The following MYRIP variants were observed in gnomAD, a reference collection of about 807,000 sequenced individuals.
The protein encoded by MYRIP is rab effector MyRIP.
A neutral mutation model predicts 98.0 loss-of-function variants in MYRIP; 49 were observed. The observed-to-expected ratio is 0.50, with a 90% CI of 0.40 to 0.63. The LOEUF (loss-of-function observed/expected upper bound fraction) is 0.63. Ranked by LOEUF, MYRIP falls within the 30% of genes least tolerant of loss-of-function variation. MYRIP has a pLI of 0.00. For synonymous variants in MYRIP, 404 were observed against 409.5 expected (o/e 0.99, Z 0.16); for missense variants, 1,004 against 1,058.2 (o/e 0.95, Z 0.71).
Position 40,190,373 on chromosome 3 carries a change from G to A in MYRIP, c.1575G>A (p.Arg525=), listed in dbSNP as rs148877275. 636 of 1,613,906 alleles carry A rather than the reference G, an allele frequency of 3.9e-4. 2 individuals are homozygous for A. Among genetic ancestry groups the A allele is most frequent in the African/African-American group, 2.6e-3 (195 of 75,028 alleles). ...CCCACACCACAGACCGGCGGGCCAGGAGGTGGAGAAGAGCCCGACTGGGCT... is the reference window on the plus strand; with the variant it reads ...CCCACACCACAGACCGGCGGGCCAGAAGGTGGAGAAGAGCCCGACTGGGCT... ...EAPHTTDRRA[R]RWRRARLGSE... The change falls in exon 10 of 17, where the codon AGG becomes AGA. Residue 525 remains arginine, a synonymous_variant. Transcript: ENST00000302541.
chr3:40,235,941 A>C (rs564170193), intron 12 of MYRIP, among the ~76,000 whole-genome samples: 1 of 152,360 alleles, frequency 6.6e-6, no homozygotes, highest in South Asian at 2.1e-4. Flanking sequence ...AAATCAATGT[A>C]CTGGAGGGAG....
intron 1 of MYRIP, among the ~76,000 whole-genome samples, chr3:39,886,438 A>T (rs1464344845): frequency 6.7e-6 from 1 of 149,184 alleles, no homozygotes; most frequent in Non-Finnish European, 1.5e-5. Context: ...TGTATTCAGG[A>T]AACCCATCTC....
At chr3:40,071,305 T>C (rs570544884) in intron 3 of MYRIP, 3 of 569,042 alleles carry the variant, frequency 5.3e-6, no homozygotes, top group South Asian at 7.7e-5. Flanking sequence ...GACAATTATA[T>C]GGGGTGCACT....
intron 6 of MYRIP, 45 bp from the exon 7 acceptor site, chr3:40,167,114 C>A (rs914011784): frequency 6.3e-7 from 1 of 1,595,280 alleles, no homozygotes; most frequent in Non-Finnish European, 8.6e-7. Context: ...TGCCAAGTCA[C>A]CCCAAATCCA....
chr3:39,816,270 G>A lies in MYRIP; in HGVS notation c.-31+6354G>A, dbSNP rs531255600. On this transcript the variant is annotated intron_variant, in intron 1 of 16. Coordinates refer to ENST00000302541, the MANE Select transcript of MYRIP (RefSeq NM_015460.4). ...CTAAATTTTTTGTATTTTTAGTAGA[G>A]ACGGGGTTTCACCATTTTAGCCAGG... Among the ~76,000 whole-genome samples, 390 of 152,098 alleles carry A rather than the reference G, an allele frequency of 2.6e-3. 3 individuals are homozygous for A. Among genetic ancestry groups the A allele is most frequent in the African/African-American group, 8.9e-3 (370 of 41,500 alleles).
chr3:40,043,542 C>G (rs1188020112), intron 2 of MYRIP, among the ~76,000 whole-genome samples: 2 of 152,104 alleles, frequency 1.3e-5, no homozygotes, highest in Non-Finnish European at 2.9e-5. Flanking sequence ...CTGCCCATCA[C>G]CCATAGAATC....
intron 2 of MYRIP, among the ~76,000 whole-genome samples, chr3:39,984,626 T>C (rs879918559): frequency 1.2e-4 from 19 of 152,186 alleles, no homozygotes; most frequent in Non-Finnish European, 2.2e-4. Flanking sequence ...CAGTCTATCA[T>C]TGTTGGACAT....
At chr3:39,886,527 G>A (rs1437419542) in intron 1 of MYRIP, among the ~76,000 whole-genome samples, 1 of 151,402 alleles carries the variant, frequency 6.6e-6, no homozygotes, top group Non-Finnish European at 1.5e-5. Context: ...AAAAAAGGCA[G>A]GGGTTGCAAT....
chr3:39,886,567 C>G (rs1353225683), intron 1 of MYRIP, among the ~76,000 whole-genome samples: 2 of 151,600 alleles, frequency 1.3e-5, no homozygotes, highest in African/African-American at 4.9e-5. Context: ...GATTTTAAAC[C>G]AACAAAGATC....
chr3:40,239,821 G>C (rs2125707799), intron 12 of MYRIP, among the ~76,000 whole-genome samples: 1 of 94,718 alleles, frequency 1.1e-5, no homozygotes, highest in Admixed American at 1.2e-4. Context: ...TTTGTCAGAT[G>C]AGTAGGTTGC....
At chr3:39,884,788 T>C (rs1327766378) in intron 1 of MYRIP, among the ~76,000 whole-genome samples, 1 of 149,718 alleles carries the variant, frequency 6.7e-6, no homozygotes, top group Non-Finnish European at 1.5e-5. Context: ...TTTTCCATTG[T>C]ATGGCTATAC....
At position 40,099,920 on chromosome 3, in the gene MYRIP, T is replaced by C. The variant is rs1485616297; in HGVS notation, c.333-51128T>C. On this transcript the variant is annotated intron_variant, in intron 3 of 16. Coordinates refer to ENST00000302541, the MANE Select transcript of MYRIP (RefSeq NM_015460.4). ...TTAAATGAGCTTTGGTGCCTCTCTC[T>C]CCCTGTTGCACATGTGTTGATGGAT... 4.5e-6 allele frequency: 4 copies of C among 881,772 alleles called. No individual in the cohort carries two copies. In the East Asian group the frequency reaches 4.8e-4, roughly 106 times the overall value. The allele number at this position is 881,772 out of a possible 1,614,324, so 54.6% of individuals were successfully genotyped here. A position where few individuals can be genotyped will look rare whatever the true frequency, so the allele number is the denominator to read the frequency against.
chr3:40,227,633 T>C (rs2125693042), intron 11 of MYRIP, among the ~76,000 whole-genome samples: 1 of 152,222 alleles, frequency 6.6e-6, no homozygotes, highest in Admixed American at 6.5e-5. Context: ...TTTGGAATAA[T>C]GGTAAAAGGC....
At chr3:39,919,717 T>TGAGAGA (rs769723675) in intron 2 of MYRIP, among the ~76,000 whole-genome samples, 23 of 148,908 alleles carry the variant, frequency 1.5e-4, no homozygotes, top group East Asian at 4.1e-4. Flanking sequence ...TGTGTGTGTG[T>TGAGAGA]GTGTGTGTGT....
At chr3:39,890,636 ATTTTT>A in intron 1 of MYRIP, among the ~76,000 whole-genome samples, 1 of 138,532 alleles carries the variant, frequency 7.2e-6, no homozygotes, top group African/African-American at 2.6e-5. Context: ...AGGTTAGCTG[ATTTTT>A]TTTTTTTTTT....
chr3:40,127,656 G>A (rs182879014), intron 3 of MYRIP, among the ~76,000 whole-genome samples: 1 of 152,340 alleles, frequency 6.6e-6, no homozygotes, highest in East Asian at 1.9e-4. Flanking sequence ...CCGGTTGGGG[G>A]TGGGGGGCAC....
chr3:40,199,512 T>C (rs924269483), intron 10 of MYRIP, among the ~76,000 whole-genome samples: 1 of 152,126 alleles, frequency 6.6e-6, no homozygotes, highest in African/African-American at 2.4e-5. Context: ...GGCATGCATG[T>C]TGGCAGTAAG....
chr3:40,164,725 C>G (rs1039113503), intron 5 of MYRIP, among the ~76,000 whole-genome samples: 4 of 152,204 alleles, frequency 2.6e-5, no homozygotes, highest in Non-Finnish European at 5.9e-5. Context: ...CAACCTTTCT[C>G]TCTGAAACAC....
intron 4 of MYRIP, among the ~76,000 whole-genome samples, chr3:40,154,939 A>G (rs1216441553): frequency 1.1e-4 from 16 of 152,210 alleles, no homozygotes. Context: ...TGGGAAAAAT[A>G]AACCTTGCTT....
Sources: allele counts gnomAD v4.1 joint callset (sites outside exome capture counted in the v4.1 genomes callset), GRCh38; gene constraint gnomAD v4.1.1; transcripts MANE v1.5; gene names NCBI Gene and HGNC (gene_info 2026-07-23, HGNC 2026-07-21).